MYO16: variants seen among roughly 807,000 people sequenced by gnomAD.
MYO16 encodes the protein myosin XVI, also known as unconventional myosin-XVI.
In MYO16, 94 loss-of-function variants were observed where a neutral mutation model predicts 205.3. The observed-to-expected ratio is 0.46, with a 90% confidence interval of 0.39 to 0.54. MYO16 has a LOEUF of 0.54. Ranked by LOEUF, MYO16 falls within the 20% of genes least tolerant of loss-of-function variation. The pLI, the probability that MYO16 is intolerant of heterozygous loss-of-function variation, is 0.00. For missense variants in MYO16, 2,315 were observed against 2,387.5 expected (o/e 0.97, Z 0.63); for synonymous variants, 988 against 954.0 (o/e 1.04, Z -0.66).
chr13:108,872,281 T>C (rs564094041), intron 12 of MYO16, among the ~76,000 whole-genome samples: 1 of 152,324 alleles, frequency 6.6e-6, no homozygotes, highest in South Asian at 2.1e-4. Context: ...TGGATGCTTC[T>C]ATGGATCTAG....
In MYO16 at chr13:108,929,167, A is replaced by G. The variant is rs1489039254; in HGVS notation, c.1925+19017A>G. Among the ~76,000 whole-genome samples, 96 of 152,254 alleles carry G rather than the reference A, an allele frequency of 6.3e-4. 1 individual carries two copies. The highest frequency in any genetic ancestry group is 6.3e-3 in the Admixed American group (96 of 15,284). On this transcript the variant is annotated intron_variant, in intron 16 of 34. Coordinates refer to ENST00000457511, the MANE Select transcript of MYO16 (RefSeq NM_001198950.3). ...CATAGAAGAAACCAAGACTGTTTCC[A>G]TCCTGAAGGAGCCAAACTCAGGAAG...
the MYO16 span, among the ~76,000 whole-genome samples, chr13:108,543,743 T>C: frequency 2.6e-5 from 2 of 77,952 alleles, no homozygotes; most frequent in African/African-American, 4.4e-5. Context: ...TTTTTTTCTT[T>C]TTTTTTTTTT....
chr13:109,139,886 TTA>T (rs1876957327), intron 31 of MYO16, among the ~76,000 whole-genome samples: 1 of 152,014 alleles, frequency 6.6e-6, no homozygotes, highest in Non-Finnish European at 1.5e-5. Context: ...GTCTGGCTAT[TTA>T]TTTTACTTTT....
chr13:108,782,383 G>A (rs534959726), intron 4 of MYO16, among the ~76,000 whole-genome samples: 30 of 152,342 alleles, frequency 2.0e-4, no homozygotes, highest in African/African-American at 7.0e-4. Context: ...TCTGGCAGAA[G>A]AAATGTCTAA....
At chr13:109,155,991 GA>G (rs1187346000) in intron 32 of MYO16, among the ~76,000 whole-genome samples, 1 of 152,156 alleles carries the variant, frequency 6.6e-6, no homozygotes, top group Non-Finnish European at 1.5e-5. Context: ...TTATGTAAAA[GA>G]AAACAAATCA....
intron 34 of MYO16, among the ~76,000 whole-genome samples, chr13:109,202,658 T>C (rs577300112): frequency 7.9e-5 from 12 of 152,068 alleles, no homozygotes; most frequent in Non-Finnish European, 1.2e-4. Context: ...TCAATGTAAT[T>C]CCCATCAAAA....
the MYO16 span, among the ~76,000 whole-genome samples, chr13:108,566,786 G>GAAGC: frequency 2.1e-5 from 3 of 141,682 alleles, no homozygotes; most frequent in Non-Finnish European, 3.1e-5. Flanking sequence ...AGGAAGGAAG[G>GAAGC]AAAGAGGTAC....
chr13:108,666,274 T>C (rs1881726155), intron 2 of MYO16, 125 bp downstream of exon 2: 1 of 1,086,122 alleles, frequency 9.2e-7, no homozygotes, highest in Non-Finnish European at 1.3e-6. Context: ...GAGGCTACTA[T>C]CTTTTAACTG....
chr13:108,519,855 A>T, the MYO16 span, among the ~76,000 whole-genome samples: 1 of 152,128 alleles, frequency 6.6e-6, no homozygotes, highest in Non-Finnish European at 1.5e-5. Flanking sequence ...GACATTATAT[A>T]AAAAAACTGA....
At chr13:108,735,530 T>A (rs922112284) in intron 4 of MYO16, among the ~76,000 whole-genome samples, 4 of 84,620 alleles carry the variant, frequency 4.7e-5, no homozygotes, top group African/African-American at 1.3e-4. Flanking sequence ...ATTTTCTTAA[T>A]CCAGTCTATC....
chr13:108,524,725 A>G, the MYO16 span, among the ~76,000 whole-genome samples: 1 of 152,132 alleles, frequency 6.6e-6, no homozygotes, highest in African/African-American at 2.4e-5. Context: ...ATGAAAAATG[A>G]TTATAACCTC....
At chr13:109,174,532 A>G (rs1566548756) in intron 33 of MYO16, among the ~76,000 whole-genome samples, 1 of 152,190 alleles carries the variant, frequency 6.6e-6, no homozygotes, top group South Asian at 2.1e-4. Flanking sequence ...CAGATGTCCA[A>G]TTTCATGGAA....
At chr13:108,622,388 C>G (rs1321919031) in intron 1 of MYO16, among the ~76,000 whole-genome samples, 1 of 152,028 alleles carries the variant, frequency 6.6e-6, no homozygotes, top group Non-Finnish European at 1.5e-5. Context: ...GTGACCTGAC[C>G]TTTAGGGAGT....
intron 27 of MYO16, among the ~76,000 whole-genome samples, chr13:109,100,522 G>C (rs1888927229): frequency 6.6e-6 from 1 of 152,204 alleles, no homozygotes; most frequent in Non-Finnish European, 1.5e-5. Flanking sequence ...TAAATGGTTT[G>C]AAGTGCTTCA....
intron 22 of MYO16, among the ~76,000 whole-genome samples, chr13:109,013,420 A>G (rs1179248832): frequency 1.3e-5 from 2 of 152,184 alleles, no homozygotes; most frequent in Non-Finnish European, 2.9e-5. Context: ...GTGCCACAAT[A>G]AACATACGTG....
At chr13:109,080,579 C>CA (rs5806782) in intron 27 of MYO16, among the ~76,000 whole-genome samples, 20,882 of 145,424 alleles carry the variant, frequency 0.14, 1,718 homozygotes, top group East Asian at 0.43. Flanking sequence ...TGCCCCTCTT[C>CA]AAAAAAAAAA....
intron 1 of MYO16, among the ~76,000 whole-genome samples, chr13:108,597,642 T>C (rs1362309284): frequency 2.6e-5 from 4 of 152,146 alleles, no homozygotes; most frequent in Non-Finnish European, 5.9e-5. Flanking sequence ...AAAATGCAAT[T>C]GGTAGTTCTC....
intron 27 of MYO16, among the ~76,000 whole-genome samples, chr13:109,065,396 T>C (rs959456596): frequency 3.3e-5 from 5 of 152,126 alleles, no homozygotes; most frequent in Non-Finnish European, 5.9e-5. Context: ...CAGCCATGTC[T>C]ATACATATTA....
At chr13:109,074,293 A>G (rs1363207066) in intron 27 of MYO16, among the ~76,000 whole-genome samples, 3 of 152,164 alleles carry the variant, frequency 2.0e-5, no homozygotes, top group Non-Finnish European at 4.4e-5. Flanking sequence ...ATCCCCAGAC[A>G]AGCATTGATA....
Sources: allele counts gnomAD v4.1 joint callset (sites outside exome capture counted in the v4.1 genomes callset), GRCh38; gene constraint gnomAD v4.1.1; transcripts MANE v1.5; gene names NCBI Gene and HGNC (gene_info 2026-07-23, HGNC 2026-07-21).